ITPR1: variants seen among roughly 807,000 people sequenced by gnomAD.
The protein encoded by ITPR1 is inositol 1,4,5-trisphosphate-gated calcium channel ITPR1.
ITPR1 carries 96 observed loss-of-function variants against 318.4 expected under a neutral mutation model. That is an observed-to-expected ratio of 0.30 (90% CI 0.26 to 0.36). The LOEUF is 0.36. Among genes scored for constraint, ITPR1 ranks in the 10% least tolerant of loss-of-function variants. The pLI, the probability that ITPR1 is intolerant of heterozygous loss-of-function variation, is 1.00. For synonymous variants in ITPR1, 1,312 were observed against 1,289.9 expected (o/e 1.02, Z -0.37); for missense variants, 2,440 against 3,460.2 (o/e 0.71, Z 7.40).
At position 4,811,271 on chromosome 3, in the gene ITPR1, G is replaced by T. The variant is rs1358612014; in HGVS notation, c.7279G>T (p.Asp2427Tyr). 2 of 1,552,520 alleles carry T rather than the reference G, an allele frequency of 1.3e-6. No homozygotes were observed. Among genetic ancestry groups the T allele is most frequent in the South Asian group, 1.2e-5 (1 of 81,518 alleles). The change falls in exon 56 of 62, where the codon GAT (aspartate) becomes TAT (tyrosine). Residue 2427 changes from aspartate (D) to tyrosine (Y), a missense_variant. By Grantham distance (160) the Asp-to-Tyr change is radical. Around this residue, in one of 23 missense-constraint regions of ITPR1, gnomAD observed 126 missense variants for 150.8 expected, o/e 0.84. Coordinates refer to ENST00000649015, the MANE Select transcript of ITPR1 (RefSeq NM_001378452.1). ...TTTTTGTTTGTTTTCAAAGCTTTTTGATTTAGTGTACAGAGAAGAGACTTT... is the reference window on the plus strand; with the variant it reads ...TTTTTGTTTGTTTTCAAAGCTTTTTTATTTAGTGTACAGAGAAGAGACTTT... ...HEFFYSLLLFDLVYREETLLN... is the reference protein window; with the variant it reads ...HEFFYSLLLFYLVYREETLLN...
intron 4 of ITPR1, among the ~76,000 whole-genome samples, chr3:4,540,540 C>T (rs1483954706): frequency 1.3e-5 from 2 of 151,728 alleles, no homozygotes; most frequent in African/African-American, 2.4e-5. Flanking sequence ...TTTTTTTCCC[C>T]CTCCTTTAAG....
intron 4 of ITPR1, among the ~76,000 whole-genome samples, chr3:4,575,197 T>G (rs1175784219): frequency 1.3e-5 from 2 of 152,220 alleles, no homozygotes; most frequent in Non-Finnish European, 2.9e-5. Flanking sequence ...ACAGTCAACT[T>G]AGTGCCAAGA....
At position 4,688,427 on chromosome 3, in the gene ITPR1, G is replaced by A. The variant is rs865984693; in HGVS notation, c.3703-68G>A. On this transcript the variant is annotated intron_variant, in intron 30 of 61. Transcript: ENST00000649015. ...TCTGACTCCCACGTTAGCAGGAGGTGTTGGGTATAGGAGAAGCTGGTCTCC... is the reference window on the plus strand; with the variant it reads ...TCTGACTCCCACGTTAGCAGGAGGTATTGGGTATAGGAGAAGCTGGTCTCC... The A allele has an allele frequency of 1.6e-5, 26 of 1,587,336 alleles. No homozygotes were observed. In the African/African-American group the frequency reaches 3.1e-4, roughly 19 times the overall value.
At chr3:4,602,822 C>CT (rs1344395197) in intron 4 of ITPR1, among the ~76,000 whole-genome samples, 2 of 151,964 alleles carry the variant, frequency 1.3e-5, no homozygotes, top group African/African-American at 2.4e-5. Flanking sequence ...GAGACAGACA[C>CT]TAGATAACTG....
chr3:4,783,835 A>G lies in ITPR1; in HGVS notation c.6530A>G (p.Glu2177Gly). Residue 2177 changes from glutamate (E) to glycine (G), a missense_variant, in exon 51 of 62, where the codon GAA becomes GGA. Around this residue, in one of 23 missense-constraint regions of ITPR1, gnomAD observed 115 missense variants for 204.5 expected, o/e 0.56. Transcript: ENST00000649015. ...TTCTAGTTGGCTCGGCATAACAAAG[A>G]ACTTCAGAGCATGCTGAAACCTGGT... ...LAHQLARHNK[E>G]LQSMLKPGGQ... 1 of 1,606,998 alleles carries G rather than the reference A, an allele frequency of 6.2e-7. No individual in the cohort carries two copies. Among genetic ancestry groups the G allele is most frequent in the South Asian group, 1.1e-5 (1 of 89,116 alleles).
chr3:4,705,226 C>G (rs1559736030), intron 36 of ITPR1, among the ~76,000 whole-genome samples: 2 of 152,122 alleles, frequency 1.3e-5, no homozygotes, highest in Non-Finnish European at 2.9e-5. Context: ...TAATTATCTT[C>G]CTTTTCAAAA....
chr3:4,568,815 GA>G (rs1559464476), intron 4 of ITPR1, among the ~76,000 whole-genome samples: 1 of 152,176 alleles, frequency 6.6e-6, no homozygotes, highest in African/African-American at 2.4e-5. Context: ...TTGCTATAAA[GA>G]AATACCACTG....
chr3:4,693,407 T>C, intron 32 of ITPR1, 83 bp from the exon 33 acceptor site: 1 of 1,466,040 alleles, frequency 6.8e-7, no homozygotes, highest in Admixed American at 1.8e-5. Context: ...ACAGAACCTC[T>C]CTCTTCCTCT....
chr3:4,562,608 C>T (rs1272527829), intron 4 of ITPR1, among the ~76,000 whole-genome samples: 1 of 151,976 alleles, frequency 6.6e-6, no homozygotes, highest in Admixed American at 6.5e-5. Context: ...TTTGCCAACC[C>T]TGTATGTTGA....
At chr3:4,606,545 T>C (rs2091715955) in intron 4 of ITPR1, among the ~76,000 whole-genome samples, 1 of 152,012 alleles carries the variant, frequency 6.6e-6, no homozygotes, top group Non-Finnish European at 1.5e-5. Flanking sequence ...TTGAGGACTT[T>C]GGTATGTAAA....
chr3:4,819,907 T>C (rs1415296939), intron 60 of ITPR1, among the ~76,000 whole-genome samples: 2 of 151,804 alleles, frequency 1.3e-5, no homozygotes, highest in African/African-American at 4.8e-5. Flanking sequence ...AGGCTGGGGG[T>C]TAAGTGACTT....
At chr3:4,821,654 G>A (rs1428577924) in intron 60 of ITPR1, among the ~76,000 whole-genome samples, 2 of 152,188 alleles carry the variant, frequency 1.3e-5, no homozygotes, top group Admixed American at 6.5e-5. Flanking sequence ...CACATTCCCT[G>A]CATTGGTGGC....
intron 40 of ITPR1, among the ~76,000 whole-genome samples, chr3:4,722,198 G>A (rs767919806): frequency 1.3e-5 from 2 of 152,102 alleles, no homozygotes; most frequent in Non-Finnish European, 2.9e-5. Flanking sequence ...TGCTCACCTC[G>A]CCTAAAAACA....
intron 43 of ITPR1, among the ~76,000 whole-genome samples, chr3:4,734,890 T>G (rs1315846076): frequency 6.6e-6 from 1 of 152,224 alleles, no homozygotes; most frequent in African/African-American, 2.4e-5. Context: ...GCTGGCTGGC[T>G]TTAGGTCCCT....
intron 50 of ITPR1, among the ~76,000 whole-genome samples, chr3:4,783,016 A>C (rs1268906144): frequency 2.0e-5 from 3 of 152,232 alleles, no homozygotes; most frequent in Non-Finnish European, 4.4e-5. Flanking sequence ...TGGATGGTTT[A>C]TGACTCTGTC....
chr3:4,511,125 G>C (rs1177761260), intron 2 of ITPR1, among the ~76,000 whole-genome samples: 1 of 152,102 alleles, frequency 6.6e-6, no homozygotes, highest in Admixed American at 6.5e-5. Context: ...TCCTCTTCAC[G>C]TAACAGTGAC....
chr3:4,659,700 AAAAG>A (rs1232627965), intron 13 of ITPR1, among the ~76,000 whole-genome samples: 1 of 152,128 alleles, frequency 6.6e-6, no homozygotes, highest in East Asian at 1.9e-4. Flanking sequence ...GGAAAAAAAA[AAAAG>A]AAACTGTTAT....
Position 4,768,776 on chromosome 3 carries a change from G to A in ITPR1, c.5979+12G>A, listed in dbSNP as rs1356087447. 1 of 1,603,428 alleles carries A rather than the reference G, an allele frequency of 6.2e-7. No homozygotes were observed. Among genetic ancestry groups the A allele is most frequent in the Admixed American group, 1.7e-5 (1 of 59,716 alleles). On this transcript the variant is annotated intron_variant, in intron 46 of 61. Transcript: ENST00000649015. The stretch of plus-strand genomic sequence containing the variant: ...ACCGAGACCTGCAGGTGAGGGCCTG[G>A]GGGTGGGGGCGTGGAGGGAGCTCGG...
chr3:4,676,508 A>C (rs894224177), intron 23 of ITPR1, 106 bp from the exon 24 acceptor site: 3 of 757,632 alleles, frequency 4.0e-6, no homozygotes, highest in Non-Finnish European at 6.3e-6. Flanking sequence ...ATGTTGGAAT[A>C]GGGATATGTT....
Sources: allele counts gnomAD v4.1 joint callset (sites outside exome capture counted in the v4.1 genomes callset), GRCh38; gene constraint gnomAD v4.1.1; regional missense constraint gnomAD v4.1.1; transcripts MANE v1.5; gene names NCBI Gene and HGNC (gene_info 2026-07-23, HGNC 2026-07-21).